The following CADM2 variants were observed in gnomAD, a reference collection of about 807,000 sequenced individuals.
The protein encoded by CADM2 is cell adhesion molecule 2.
A neutral mutation model predicts 49.8 loss-of-function variants in CADM2; 12 were observed. The ratio of observed to expected loss-of-function variants is 0.24; its 90% CI spans 0.15 to 0.39. The LOEUF is 0.39. Ranked by LOEUF, CADM2 falls within the 10% of genes least tolerant of loss-of-function variation. The pLI, the probability that CADM2 is intolerant of heterozygous loss-of-function variation, is 1.00. For synonymous variants in CADM2, 214 were observed against 175.4 expected (o/e 1.22, Z -1.74); for missense variants, 378 against 492.3 (o/e 0.77, Z 2.20).
intron 4 of CADM2, among the ~76,000 whole-genome samples, chr3:85,884,553 T>G (rs936263474): frequency 8.5e-5 from 13 of 152,108 alleles, no homozygotes; most frequent in African/African-American, 3.1e-4. Context: ...AGATGACTGA[T>G]GAATTCACTT....
intron 1 of CADM2, among the ~76,000 whole-genome samples, chr3:85,173,155 T>G (rs2107688516): frequency 6.6e-6 from 1 of 151,178 alleles, no homozygotes; most frequent in East Asian, 1.9e-4. Context: ...CCACCATGCC[T>G]GGCTAATTTT....
At chr3:84,994,188 G>A (rs2033053867) in intron 1 of CADM2, among the ~76,000 whole-genome samples, 1 of 152,078 alleles carries the variant, frequency 6.6e-6, no homozygotes, top group Admixed American at 6.6e-5. Context: ...TTTGGCACAG[G>A]CATCGCTTTT....
At chr3:85,952,777 ATT>A (rs1295651686) in intron 7 of CADM2, among the ~76,000 whole-genome samples, 5 of 150,004 alleles carry the variant, frequency 3.3e-5, no homozygotes, top group African/African-American at 1.2e-4. Flanking sequence ...TTCCTTTATT[ATT>A]TCTCTCCCTT....
intron 1 of CADM2, among the ~76,000 whole-genome samples, chr3:85,705,121 C>T (rs1432596530): frequency 6.6e-6 from 1 of 150,430 alleles, no homozygotes; most frequent in African/African-American, 2.5e-5. Flanking sequence ...CCGTCTGGGC[C>T]TCCCAAAGTG....
At chr3:86,039,734 A>G (rs1442191462) in intron 8 of CADM2, among the ~76,000 whole-genome samples, 2 of 152,146 alleles carry the variant, frequency 1.3e-5, no homozygotes, top group Non-Finnish European at 2.9e-5. Context: ...TGAAGAGAGT[A>G]GTGGTTCTCC....
At chr3:85,036,750 T>G (rs2035230125) in intron 1 of CADM2, among the ~76,000 whole-genome samples, 1 of 152,096 alleles carries the variant, frequency 6.6e-6, no homozygotes, top group African/African-American at 2.4e-5. Flanking sequence ...TAACAATATT[T>G]TAAAATATTC....
At chr3:85,238,363 A>T (rs2042455463) in intron 1 of CADM2, among the ~76,000 whole-genome samples, 1 of 151,928 alleles carries the variant, frequency 6.6e-6, no homozygotes, top group Non-Finnish European at 1.5e-5. Flanking sequence ...ACTCCAAATC[A>T]TTGACATCAT....
intron 1 of CADM2, among the ~76,000 whole-genome samples, chr3:85,503,657 A>G (rs902645594): frequency 2.0e-5 from 3 of 152,214 alleles, no homozygotes; most frequent in African/African-American, 7.2e-5. Context: ...AATTTGGATA[A>G]TTGGAGTTAA....
intron 1 of CADM2, among the ~76,000 whole-genome samples, chr3:85,725,526 A>G (rs997358757): frequency 6.6e-6 from 1 of 151,900 alleles, no homozygotes; most frequent in African/African-American, 2.4e-5. Context: ...GTCTATCTTC[A>G]TTTTTCAATA....
At chr3:85,255,023 G>A (rs7625487) in intron 1 of CADM2, among the ~76,000 whole-genome samples, 1 of 151,974 alleles carries the variant, frequency 6.6e-6, no homozygotes, top group South Asian at 2.1e-4. Context: ...GGTAAACATA[G>A]GATGAAAATA....
intron 5 of CADM2, among the ~76,000 whole-genome samples, chr3:85,907,092 C>G (rs928011683): frequency 6.6e-6 from 1 of 152,074 alleles, no homozygotes. Context: ...CCACTGAGTT[C>G]GTTCACTCCT....
At chr3:85,506,186 G>A (rs972755371) in intron 1 of CADM2, among the ~76,000 whole-genome samples, 4 of 152,136 alleles carry the variant, frequency 2.6e-5, no homozygotes, top group Non-Finnish European at 5.9e-5. Flanking sequence ...GTGGAGATAA[G>A]GGCAGCATAT....
At chr3:85,073,263 A>G (rs2036823508) in intron 1 of CADM2, among the ~76,000 whole-genome samples, 1 of 152,168 alleles carries the variant, frequency 6.6e-6, no homozygotes, top group African/African-American at 2.4e-5. Flanking sequence ...AGTTACAGTA[A>G]GATAATATAC....
intron 3 of CADM2, among the ~76,000 whole-genome samples, chr3:85,807,904 T>C (rs1028301718): frequency 3.3e-5 from 5 of 152,156 alleles, no homozygotes; most frequent in African/African-American, 9.7e-5. Flanking sequence ...TTTTTTACCA[T>C]TTAAATTGTA....
chr3:85,188,427 A>G (rs2041117747), intron 1 of CADM2, among the ~76,000 whole-genome samples: 1 of 152,154 alleles, frequency 6.6e-6, no homozygotes, highest in African/African-American at 2.4e-5. Flanking sequence ...CAAAATTCAG[A>G]ATGATAATTA....
chr3:85,563,411 T>TGGCG (rs2062156747), intron 1 of CADM2, among the ~76,000 whole-genome samples: 1 of 142,044 alleles, frequency 7.0e-6, no homozygotes, highest in African/African-American at 2.5e-5. Flanking sequence ...TGTGTGTGTG[T>TGGCG]GGGGGGGTGG....
chr3:85,834,974 G>A (rs2074342581), intron 3 of CADM2, among the ~76,000 whole-genome samples: 1 of 151,612 alleles, frequency 6.6e-6, no homozygotes, highest in Admixed American at 6.6e-5. Context: ...CATTCAATGT[G>A]TGGCTATATG....
Position 85,724,873 on chromosome 3 carries a change from T to TA in CADM2, c.62-1648dup, listed in dbSNP as rs1216310890. On this transcript the variant is annotated intron_variant, in intron 1 of 9. Transcript: ENST00000383699. ...AGCCAAAACATTCATTAAAGGAATGTAGATTTTTGATGAAATTGAATTTTA... is the reference window on the plus strand; with the variant it reads ...AGCCAAAACATTCATTAAAGGAATGTAAGATTTTTGATGAAATTGAATTTTA... 2.0e-5 allele frequency among the ~76,000 whole-genome samples: 3 copies of TA among 151,940 alleles called. No individual in the cohort carries two copies. In the East Asian group the frequency reaches 5.8e-4, roughly 29 times the overall value.
At position 85,957,249 on chromosome 3, in the gene CADM2, T is replaced by C. The variant is rs980610283; in HGVS notation, c.792-4220T>C. ...AGCATGTTGAGAACTATTAATAATT[T>C]GGCTTTTATTAAGGATACTAGGGGA... On this transcript the variant is annotated intron_variant, in intron 7 of 9. Transcript: ENST00000383699. Among the ~76,000 whole-genome samples the C allele has an allele frequency of 7.9e-5, 12 of 151,712 alleles. No homozygotes were observed. The Admixed American group carries it at 7.9e-4, about 10-fold the overall frequency.
Sources: gnomAD v4.1 joint callset for allele counts (sites outside exome capture counted in the v4.1 genomes callset) on GRCh38, gnomAD v4.1.1 for gene constraint, MANE v1.5 for transcripts, NCBI Gene and HGNC (gene_info 2026-07-23, HGNC 2026-07-21) for gene names.